EPS8: variants seen among roughly 807,000 people sequenced by gnomAD.
EPS8 encodes epidermal growth factor receptor kinase substrate 8.
Under a neutral mutation model 103.8 loss-of-function variants are expected in EPS8, and 42 were observed. That is an observed-to-expected ratio of 0.40 (90% CI 0.32 to 0.52). The LOEUF is 0.52. Among genes scored for constraint, EPS8 ranks in the 20% least tolerant of loss-of-function variants. The probability of loss-of-function intolerance (pLI) is 0.40; values close to 1 mark genes in which losing one functional copy is unlikely to be tolerated. For missense variants in EPS8, 969 were observed against 1,005.1 expected (o/e 0.96, Z 0.49); for synonymous variants, 344 against 344.6 (o/e 1.00, Z 0.02).
chr12:15,743,991 A>G (rs963582765), intron 1 of EPS8, among the ~76,000 whole-genome samples: 2 of 152,226 alleles, frequency 1.3e-5, no homozygotes, highest in Non-Finnish European at 2.9e-5. Context: ...AGTATGGGAG[A>G]AAATTTTTAC....
chr12:15,621,487 T>C, intron 20 of EPS8, 57 bp from the exon 21 acceptor site: 1 of 904,118 alleles, frequency 1.1e-6, no homozygotes, highest in Non-Finnish European at 1.7e-6. Flanking sequence ...CTGCAGGTCA[T>C]ATCATGAAAT....
intron 3 of EPS8, among the ~76,000 whole-genome samples, chr12:15,672,294 CAT>C (rs1945830763): frequency 6.6e-6 from 1 of 152,118 alleles, no homozygotes; most frequent in Non-Finnish European, 1.5e-5. Context: ...TTTTACAACA[CAT>C]ATGAATTTCA....
chr12:15,654,195 A>G lies in EPS8; in HGVS notation c.1200T>C (p.Gly400=), dbSNP rs752244927. The part of the protein sequence containing the change: ...TIDFLNYTVN[G]DERQLWMSLG... ...ATGACATCCACAGCTGCCGTTCATC[A>G]CCATTGACAGTATAATTTAAGAAAT... The change falls in exon 13 of 21, where the codon GGT becomes GGC. Residue 400 remains glycine (G), a synonymous_variant. Coordinates refer to ENST00000281172, the MANE Select transcript of EPS8 (RefSeq NM_004447.6). 70 of 1,613,728 alleles carry G rather than the reference A, an allele frequency of 4.3e-5. No homozygotes were observed. Among genetic ancestry groups the G allele is most frequent in the Non-Finnish European group, 5.7e-5 (67 of 1,179,810 alleles).
chr12:15,753,466 T>C (rs1192878774), intron 1 of EPS8, among the ~76,000 whole-genome samples: 2 of 152,158 alleles, frequency 1.3e-5, no homozygotes, highest in Admixed American at 6.5e-5. Flanking sequence ...CTATTGCTTT[T>C]ACCATTATAC....
chr12:15,653,804 C>T (rs963555840), intron 13 of EPS8, among the ~76,000 whole-genome samples: 90 of 152,292 alleles, frequency 5.9e-4, no homozygotes, highest in African/African-American at 7.7e-4. Context: ...TGTGCGCGCG[C>T]GCGCGCATGT....
At chr12:15,723,204 G>A (rs896985639) in intron 1 of EPS8, among the ~76,000 whole-genome samples, 11 of 151,984 alleles carry the variant, frequency 7.2e-5, no homozygotes, top group Admixed American at 2.6e-4. Context: ...TCAGCTATCC[G>A]GAAGGCTGCT....
intron 1 of EPS8, among the ~76,000 whole-genome samples, chr12:15,715,082 C>A (rs1414945216): frequency 6.6e-6 from 1 of 152,202 alleles, no homozygotes; most frequent in East Asian, 1.9e-4. Flanking sequence ...TGCTGTGGTG[C>A]TGCCTGCAGA....
At position 15,716,340 on chromosome 12, in the gene EPS8, A is replaced by G. The variant is rs779011768; in HGVS notation, c.-21-33368T>C. ...GAATTATCTATCAGTAAAGATGATA[A>G]TGAAGTCTTATGAAAGGCTAATCTG... On this transcript the variant is annotated intron_variant, in intron 1 of 20. Transcript: ENST00000281172. This position sits in a 1 kb window ranked among gnomAD's most constrained non-coding sequence, Gnocchi z 5.0. 6.6e-6 allele frequency among the ~76,000 whole-genome samples: 1 copy of G among 152,238 alleles called. No individual in the cohort carries two copies. The highest frequency in any genetic ancestry group is 1.5e-5 in the Non-Finnish European group (1 of 68,050).
intron 17 of EPS8, among the ~76,000 whole-genome samples, chr12:15,637,926 G>C (rs1031699097): frequency 6.6e-6 from 1 of 152,170 alleles, no homozygotes; most frequent in African/African-American, 2.4e-5. Context: ...TTTACCAAGT[G>C]TGTGAGATGC....
intron 17 of EPS8, among the ~76,000 whole-genome samples, chr12:15,635,174 G>GTT (rs1297190920): frequency 2.6e-5 from 4 of 152,122 alleles, no homozygotes; most frequent in Non-Finnish European, 4.4e-5. Context: ...TGATTGTAAT[G>GTT]AGCTTTAGTT....
chr12:15,650,303 G>T (rs921991121), intron 14 of EPS8, among the ~76,000 whole-genome samples: 5 of 152,230 alleles, frequency 3.3e-5, no homozygotes, highest in Admixed American at 3.3e-4. Context: ...TAGGCAAAAG[G>T]GAAGAAAGAA....
intron 1 of EPS8, among the ~76,000 whole-genome samples, chr12:15,742,162 C>T (rs901686247): frequency 3.9e-5 from 6 of 152,106 alleles, no homozygotes; most frequent in Non-Finnish European, 7.4e-5. Context: ...TGAATAGTGC[C>T]GCTATAAACA....
At chr12:15,628,314 T>A (rs1396149253) in intron 18 of EPS8, among the ~76,000 whole-genome samples, 1 of 152,134 alleles carries the variant, frequency 6.6e-6, no homozygotes, top group African/African-American at 2.4e-5. Context: ...AGTCAGTATA[T>A]CAATCATCAC....
intron 6 of EPS8, among the ~76,000 whole-genome samples, chr12:15,668,783 T>C (rs1472440396): frequency 1.3e-5 from 2 of 152,240 alleles, no homozygotes; most frequent in African/African-American, 2.4e-5. Context: ...AATTACATGA[T>C]TATTTACTGT....
intron 17 of EPS8, among the ~76,000 whole-genome samples, chr12:15,639,951 C>T (rs559689301): frequency 5.3e-5 from 8 of 152,318 alleles, no homozygotes; most frequent in African/African-American, 1.9e-4. Context: ...CTGAGAGAGT[C>T]CATCCATTCT....
chr12:15,634,606 T>G (rs1356218282), intron 17 of EPS8: 2 of 395,198 alleles, frequency 5.1e-6, no homozygotes, highest in Admixed American at 8.8e-5. Flanking sequence ...ATTTTTCCTC[T>G]AAATTTGGTT....
At chr12:15,633,097 G>A (rs1945077978) in intron 17 of EPS8, among the ~76,000 whole-genome samples, 1 of 152,152 alleles carries the variant, frequency 6.6e-6, no homozygotes, top group Admixed American at 6.5e-5. Context: ...AAGGAGTTAG[G>A]TGGGACAGAA....
At position 15,745,902 on chromosome 12, in the gene EPS8, T is replaced by C. The variant is rs1192847475; in HGVS notation, c.-22+43259A>G. On this transcript the variant is annotated intron_variant, in intron 1 of 20. Transcript: ENST00000281172. The surrounding 1 kb of genome is among the most constrained non-coding windows in gnomAD (Gnocchi z 4.6). ...ACATTATTAAACTGAATTACTATCA[T>C]GACAATAAATGCGATCATGCCATAA... Among the ~76,000 whole-genome samples the C allele has an allele frequency of 6.6e-6, 1 of 152,210 alleles. No homozygotes were observed. The highest frequency in any genetic ancestry group is 6.5e-5 in the Admixed American group (1 of 15,276).
chr12:15,696,830 A>C lies in EPS8; in HGVS notation c.-21-13858T>G, dbSNP rs944191304. 6.6e-6 allele frequency among the ~76,000 whole-genome samples: 1 copy of C among 152,134 alleles called. No individual in the cohort carries two copies. Among genetic ancestry groups the C allele is most frequent in the Non-Finnish European group, 1.5e-5 (1 of 68,030 alleles). On this transcript the variant is annotated intron_variant, in intron 1 of 20. Transcript: ENST00000281172. This position sits in a 1 kb window ranked among gnomAD's most constrained non-coding sequence, Gnocchi z 4.8. ...ACTCGGGCATGTGGAATTAAAACCAAGCAGAAACACACCACTTTATAGTGA... is the reference window on the plus strand; with the variant it reads ...ACTCGGGCATGTGGAATTAAAACCACGCAGAAACACACCACTTTATAGTGA...
Sources: allele counts gnomAD v4.1 joint callset (sites outside exome capture counted in the v4.1 genomes callset), GRCh38; gene constraint gnomAD v4.1.1; non-coding constraint Gnocchi (gnomAD v3.1); transcripts MANE v1.5; gene names NCBI Gene and HGNC (gene_info 2026-07-23, HGNC 2026-07-21).